The following TMLHE variants were observed in gnomAD, a reference collection of about 807,000 sequenced individuals.
TMLHE encodes trimethyllysine hydroxylase, epsilon, also known as trimethyllysine dioxygenase, mitochondrial.
TMLHE carries 18 observed loss-of-function variants against 25.7 expected under a neutral mutation model. The ratio of observed to expected loss-of-function variants is 0.70; its 90% CI spans 0.48 to 1.04. The LOEUF is 1.04. Among genes scored for constraint, TMLHE ranks in the 50% least tolerant of loss-of-function variants. TMLHE has a pLI of 0.00. For synonymous variants in TMLHE, 105 were observed against 97.0 expected, an observed-to-expected ratio of 1.08 and a Z score of -0.49; for missense variants, 236 against 259.0, an observed-to-expected ratio of 0.91 and a Z score of 0.61.
At chrX:155,537,697 T>A (rs1557337769) in intron 2 of TMLHE, among the ~76,000 whole-genome samples, 1 of 110,726 alleles carries the variant, frequency 9.0e-6, no homozygotes, top group Admixed American at 9.7e-5. Context: ...ATCATTTTAA[T>A]CAATTCCCTG....
In TMLHE at chrX:155,608,734, G is replaced by T. The variant is rs782156939; in HGVS notation, c.-2+4058C>A. Among the ~76,000 whole-genome samples, 4 of 112,136 alleles carry T rather than the reference G, an allele frequency of 3.6e-5. No individual in the cohort carries two copies. In the South Asian group the frequency reaches 1.5e-3, roughly 42 times the overall value. On this transcript the variant is annotated intron_variant, in intron 1 of 7. Transcript: ENST00000334398. ...AAAAACCAAACAACCTCATTAAAAAGTGGGCAAAGGATATGAACAGACACT... is the reference window on the plus strand; with the variant it reads ...AAAAACCAAACAACCTCATTAAAAATTGGGCAAAGGATATGAACAGACACT...
At position 155,538,560 on chromosome X, in the gene TMLHE, C is replaced by A. The variant is rs1402114966; in HGVS notation, c.181+6536G>T. Among the ~76,000 whole-genome samples, 9 of 111,551 alleles carry A rather than the reference C, an allele frequency of 8.1e-5. 1 individual carries two copies. The Admixed American group carries it at 8.6e-4, about 11-fold the overall frequency. ...TCTCCCCATCCTCAAACTGCCAACACCTCCTCACCCTTCACACTTTCAACT... is the reference window on the plus strand; with the variant it reads ...TCTCCCCATCCTCAAACTGCCAACAACTCCTCACCCTTCACACTTTCAACT... On this transcript the variant is annotated intron_variant, in intron 2 of 7. Coordinates refer to ENST00000334398, the MANE Select transcript of TMLHE (RefSeq NM_018196.4).
intron 1 of TMLHE, among the ~76,000 whole-genome samples, chrX:155,579,960 A>C (rs1391962990): frequency 9.0e-6 from 1 of 111,163 alleles, no homozygotes; most frequent in African/African-American, 3.3e-5. Context: ...CAACAAAAAA[A>C]AAAAAATAGA....
At chrX:155,556,545 A>G (rs1296192850) in intron 1 of TMLHE, among the ~76,000 whole-genome samples, 204 of 109,979 alleles carry the variant, frequency 1.9e-3, no homozygotes, top group African/African-American at 6.6e-3. Context: ...GAGGGAGTAT[A>G]TGACTACGTG....
chrX:155,596,251 C>T (rs1163232910), intron 1 of TMLHE, among the ~76,000 whole-genome samples: 1 of 112,038 alleles, frequency 8.9e-6, no homozygotes, highest in African/African-American at 3.2e-5. Flanking sequence ...CAACAAGAAA[C>T]CTTTTTCTGG....
At chrX:155,564,316 A>G (rs782141680) in intron 1 of TMLHE, among the ~76,000 whole-genome samples, 1 of 62,327 alleles carries the variant, frequency 1.6e-5, no homozygotes, top group African/African-American at 3.6e-5. Context: ...ATAGATGTGC[A>G]AGTAATTTAC....
chrX:155,535,385 T>C (rs191780924), intron 2 of TMLHE, among the ~76,000 whole-genome samples: 1 of 112,208 alleles, frequency 8.9e-6, no homozygotes, highest in Admixed American at 9.4e-5. Flanking sequence ...AGGACACTCT[T>C]CTTGCTGTGC....
chrX:155,547,432 C>G (rs1015165892), intron 1 of TMLHE, among the ~76,000 whole-genome samples: 13 of 111,912 alleles, frequency 1.2e-4, no homozygotes, highest in African/African-American at 2.9e-4. Context: ...CGTGAGCCAC[C>G]ACGACCAGCT....
Position 155,506,893 on chromosome X carries a change from C to T in TMLHE, c.995+5G>A. The stretch of plus-strand genomic sequence containing the variant: ...TACAGTTGGGGATAGTTCTTTGATA[C>T]TCACCTGATCAAATACAGCTCTTTA... On this transcript the variant is annotated splice_donor_5th_base_variant and intron_variant, in intron 6 of 7. Coordinates refer to ENST00000334398, the MANE Select transcript of TMLHE (RefSeq NM_018196.4). 1.7e-6 allele frequency: 2 copies of T among 1,193,987 alleles called. No individual in the cohort carries two copies. Among genetic ancestry groups the T allele is most frequent in the South Asian group, 1.8e-5 (1 of 56,495 alleles).
chrX:155,535,422 C>G (rs1222715075), intron 2 of TMLHE, among the ~76,000 whole-genome samples: 1 of 111,847 alleles, frequency 8.9e-6, no homozygotes, highest in Admixed American at 9.5e-5. Flanking sequence ...GCTATATCCT[C>G]AAATGATAGA....
intron 1 of TMLHE, among the ~76,000 whole-genome samples, chrX:155,596,613 T>C (rs2067722005): frequency 8.9e-6 from 1 of 112,135 alleles, no homozygotes; most frequent in Non-Finnish European, 1.9e-5. Context: ...AATGAGGCTA[T>C]TTTGACATGA....
At chrX:155,596,844 C>T (rs1472806832) in intron 1 of TMLHE, among the ~76,000 whole-genome samples, 2 of 111,305 alleles carry the variant, frequency 1.8e-5, no homozygotes, top group Admixed American at 9.6e-5. Context: ...AGTATACGAA[C>T]TCATTGAAAT....
rs782585426 is a variant in TMLHE at position 155,583,766 on chromosome X, C to T, written c.-2+29026G>A. ...AAGTGGGAACTAAGTAATGTGCACA[C>T]ATGGACATAGAGTGAGGAATGATAA... On this transcript the variant is annotated intron_variant, in intron 1 of 7. Transcript: ENST00000334398. 1.8e-3 allele frequency among the ~76,000 whole-genome samples: 203 copies of T among 111,424 alleles called. 1 individual carries two copies. The highest frequency in any genetic ancestry group is 3.1e-3 in the Non-Finnish European group (166 of 53,097).
At chrX:155,578,246 C>T (rs1487639543) in intron 1 of TMLHE, among the ~76,000 whole-genome samples, 1 of 111,853 alleles carries the variant, frequency 8.9e-6, no homozygotes, top group Non-Finnish European at 1.9e-5. Context: ...GCCACCACTG[C>T]CCCCACCTGA....
At position 155,547,961 on chromosome X, in the gene TMLHE, C is replaced by G. The variant is rs782256682; in HGVS notation, c.-1-2684G>C. 2.2e-4 allele frequency among the ~76,000 whole-genome samples: 24 copies of G among 111,102 alleles called. No homozygotes were observed. In the South Asian group the frequency reaches 8.1e-3, roughly 37 times the overall value. On this transcript the variant is annotated intron_variant, in intron 1 of 7. Transcript: ENST00000334398. ...AAGAATGGTAGAAAACAAAGTCTCTCCTCCCCCATTTCCCATAATCTCACT... is the reference window on the plus strand; with the variant it reads ...AAGAATGGTAGAAAACAAAGTCTCTGCTCCCCCATTTCCCATAATCTCACT...
At position 155,507,098 on chromosome X, in the gene TMLHE, A is replaced by G. The variant is rs782584564; in HGVS notation, c.795T>C (p.Thr265=). The change falls in exon 6 of 8, where the codon ACT becomes ACC. Residue 265 remains threonine (T), a synonymous_variant. Transcript: ENST00000334398. ...QVFHCLKHEG[T]GGRTLLVDGF... ...CATCTACTAGCAGTGTCCTGCCACC[A>G]GTTCCTTCATGTTTAAGACAATGAA... is the stretch of plus-strand genomic sequence containing the variant. 58 of 1,207,596 alleles carry G rather than the reference A, an allele frequency of 4.8e-5. No homozygotes were observed. Among genetic ancestry groups the G allele is most frequent in the Admixed American group, 3.9e-4 (18 of 45,579 alleles).
At chrX:155,598,899 T>G (rs2067739639) in intron 1 of TMLHE, among the ~76,000 whole-genome samples, 1 of 110,356 alleles carries the variant, frequency 9.1e-6, no homozygotes, top group African/African-American at 3.3e-5. Context: ...AGACAGAAAT[T>G]ATGATGTTCT....
chrX:155,554,509 T>G (rs917897887), intron 1 of TMLHE, among the ~76,000 whole-genome samples: 8 of 111,526 alleles, frequency 7.2e-5, no homozygotes, highest in African/African-American at 2.0e-4. Context: ...CTAATTGCTA[T>G]TCCTTGAAAG....
chrX:155,592,178 T>C (rs905323501), intron 1 of TMLHE, among the ~76,000 whole-genome samples: 4 of 111,758 alleles, frequency 3.6e-5, no homozygotes, highest in African/African-American at 9.8e-5. Context: ...AAACTGGTGC[T>C]TCTGAGGGGC....
Sources: gnomAD v4.1 joint callset for allele counts (sites outside exome capture counted in the v4.1 genomes callset) on GRCh38, gnomAD v4.1.1 for gene constraint, MANE v1.5 for transcripts, NCBI Gene and HGNC (gene_info 2026-07-23, HGNC 2026-07-21) for gene names.